NOVA1: variants seen among roughly 807,000 people sequenced by gnomAD.
The protein encoded by NOVA1 is NOVA alternative splicing regulator 1, also known as RNA-binding protein Nova-1.
A neutral mutation model predicts 38.0 loss-of-function variants in NOVA1; 7 were observed. That is an observed-to-expected ratio of 0.18 (90% CI 0.10 to 0.35). The LOEUF is 0.35. Among genes scored for constraint, NOVA1 ranks in the 10% least tolerant of loss-of-function variants. NOVA1 has a pLI of 1.00. For synonymous variants in NOVA1, 270 were observed against 232.5 expected (o/e 1.16, Z -1.47); for missense variants, 460 against 616.0 (o/e 0.75, Z 2.68).
At chr14:26,489,955 C>T (rs868412948) in intron 2 of NOVA1, among the ~76,000 whole-genome samples, 1 of 152,170 alleles carries the variant, frequency 6.6e-6, no homozygotes, top group South Asian at 2.1e-4. Context: ...CTCTCACTAT[C>T]TCTTTCCAAA....
chr14:26,535,037 C>T (rs1329382524), intron 2 of NOVA1, among the ~76,000 whole-genome samples: 2 of 152,084 alleles, frequency 1.3e-5, no homozygotes, highest in Non-Finnish European at 2.9e-5. Flanking sequence ...TATTTTAGGA[C>T]ACAAAATTAA....
chr14:26,595,374 G>A (rs1894123361), intron 2 of NOVA1, 36 bp downstream of exon 2: 1 of 1,596,330 alleles, frequency 6.3e-7, no homozygotes, highest in Non-Finnish European at 8.5e-7. Context: ...TTCCTGTGGG[G>A]AGCTCATCAA....
At chr14:26,557,138 A>G (rs1009287651) in intron 2 of NOVA1, among the ~76,000 whole-genome samples, 5 of 152,172 alleles carry the variant, frequency 3.3e-5, no homozygotes, top group Admixed American at 3.3e-4. Flanking sequence ...CCTTCCCTTA[A>G]CTTGATTACA....
At chr14:26,495,748 T>C (rs1216737147) in intron 2 of NOVA1, among the ~76,000 whole-genome samples, 4 of 148,200 alleles carry the variant, frequency 2.7e-5, no homozygotes, top group South Asian at 2.2e-4. Context: ...TATGCGGTGT[T>C]TGGTTTTTTG....
At chr14:26,582,188 G>A (rs543636516) in intron 2 of NOVA1, among the ~76,000 whole-genome samples, 3 of 151,758 alleles carry the variant, frequency 2.0e-5, no homozygotes, top group African/African-American at 7.2e-5. Context: ...TCCCAAACCC[G>A]AAATTGTACT....
intron 2 of NOVA1, among the ~76,000 whole-genome samples, chr14:26,565,729 G>A (rs866642328): frequency 2.9e-4 from 44 of 152,034 alleles, no homozygotes; most frequent in African/African-American, 9.9e-4. Context: ...ACCAACAAAT[G>A]GATAAGCTAA....
rs577750922 is a variant in NOVA1, at chr14:26,596,972, T to C, written c.136+329A>G. 11 of 1,217,142 alleles carry C rather than the reference T, an allele frequency of 9.0e-6. No homozygotes were observed. In the East Asian group the frequency reaches 5.0e-4, roughly 55 times the overall value. 75.4% of individuals were successfully genotyped at this position (1,217,142 alleles called of 1,614,324 possible). A position where few individuals can be genotyped will look rare whatever the true frequency, so the allele number is the denominator to read the frequency against. ...CACTCCGGGGTCATCCTCCTCCTCC[T>C]CCTGAATGGACCTTCTTGCCCAGGT... On this transcript the variant is annotated intron_variant, in intron 1 of 4. Coordinates refer to ENST00000539517, the MANE Select transcript of NOVA1 (RefSeq NM_002515.3).
intron 2 of NOVA1, among the ~76,000 whole-genome samples, chr14:26,580,225 T>C (rs750879612): frequency 1.3e-5 from 2 of 152,098 alleles, no homozygotes; most frequent in Admixed American, 1.3e-4. Context: ...AAAAAGATCA[T>C]GAAAGACAAT....
intron 2 of NOVA1, among the ~76,000 whole-genome samples, chr14:26,503,364 A>T (rs1298679651): frequency 7.9e-5 from 12 of 152,110 alleles, no homozygotes. Context: ...AGGAAGTGGA[A>T]GAAGGGAAAG....
intron 2 of NOVA1, among the ~76,000 whole-genome samples, chr14:26,548,639 TATAAGGCATAAAC>T (rs996719738): frequency 2.8e-4 from 43 of 152,198 alleles, no homozygotes. Context: ...TTCTCTATTT[TATAAGGCATAAAC>T]ATGCCAAACT....
At chr14:26,590,824 G>C (rs2138810059) in intron 2 of NOVA1, among the ~76,000 whole-genome samples, 1 of 151,860 alleles carries the variant, frequency 6.6e-6, no homozygotes, top group South Asian at 2.1e-4. Flanking sequence ...TAAATGAGCT[G>C]TTTTTCCAAA....
chr14:26,482,014 A>C (rs1021362365), intron 2 of NOVA1, among the ~76,000 whole-genome samples: 21 of 134,044 alleles, frequency 1.6e-4, no homozygotes, highest in South Asian at 7.2e-4. Context: ...AAAAAAAAAA[A>C]CATGGCTCTA....
intron 2 of NOVA1, among the ~76,000 whole-genome samples, chr14:26,484,060 A>C (rs894675815): frequency 6.6e-6 from 1 of 152,160 alleles, no homozygotes; most frequent in African/African-American, 2.4e-5. Flanking sequence ...CTTGCATCAA[A>C]ATATTTCTGC....
chr14:26,482,758 T>C (rs990258427), intron 2 of NOVA1, among the ~76,000 whole-genome samples: 4 of 152,136 alleles, frequency 2.6e-5, no homozygotes, highest in Non-Finnish European at 5.9e-5. Context: ...AGTGCAGTGG[T>C]GAGATCTTGG....
intron 2 of NOVA1, among the ~76,000 whole-genome samples, chr14:26,559,099 T>C (rs1891663728): frequency 6.6e-6 from 1 of 152,156 alleles, no homozygotes; most frequent in Non-Finnish European, 1.5e-5. Flanking sequence ...AAAGTTGCGA[T>C]TATTTCTCTG....
chr14:26,464,917 G>C (rs1181084564), intron 4 of NOVA1, among the ~76,000 whole-genome samples: 1 of 152,006 alleles, frequency 6.6e-6, no homozygotes, highest in African/African-American at 2.4e-5. Context: ...TCCTAAGAAT[G>C]TTTGCAATTT....
chr14:26,451,177 G>C (rs1231471153), intron 4 of NOVA1, among the ~76,000 whole-genome samples: 1 of 151,762 alleles, frequency 6.6e-6, no homozygotes, highest in East Asian at 1.9e-4. Context: ...TCTACTATAT[G>C]GCACATCAGT....
At chr14:26,455,069 A>G (rs1883048641) in intron 4 of NOVA1, among the ~76,000 whole-genome samples, 1 of 152,202 alleles carries the variant, frequency 6.6e-6, no homozygotes, top group Admixed American at 6.5e-5. Flanking sequence ...AGAAGTATCC[A>G]AAAGAATTTA....
intron 2 of NOVA1, among the ~76,000 whole-genome samples, chr14:26,480,489 C>A (rs991104932): frequency 3.3e-5 from 5 of 151,980 alleles, no homozygotes; most frequent in African/African-American, 1.2e-4. Flanking sequence ...GATCTATAAA[C>A]CCAGTTTTCA....
Sources: gnomAD v4.1 joint callset for allele counts (sites outside exome capture counted in the v4.1 genomes callset) on GRCh38, gnomAD v4.1.1 for gene constraint, MANE v1.5 for transcripts, NCBI Gene and HGNC (gene_info 2026-07-23, HGNC 2026-07-21) for gene names.